The following CAMK4 variants were observed in gnomAD, a reference collection of about 807,000 sequenced individuals.
CAMK4 encodes calcium/calmodulin-dependent protein kinase type IV.
A neutral mutation model predicts 44.9 loss-of-function variants in CAMK4; 22 were observed. The observed-to-expected ratio is 0.49, with a 90% CI of 0.35 to 0.70. CAMK4 has a LOEUF of 0.70. Ranked by LOEUF, CAMK4 falls within the 30% of genes least tolerant of loss-of-function variation. The probability of loss-of-function intolerance (pLI) is 0.01; values close to 1 mark genes in which losing one functional copy is unlikely to be tolerated. For synonymous variants in CAMK4, 218 were observed against 215.4 expected, an observed-to-expected ratio of 1.01 and a Z score of -0.11; for missense variants, 498 against 586.8, an observed-to-expected ratio of 0.85 and a Z score of 1.56.
At chr5:111,279,939 A>T (rs552417399) in intron 1 of CAMK4, among the ~76,000 whole-genome samples, 8 of 152,308 alleles carry the variant, frequency 5.3e-5, no homozygotes, top group Admixed American at 4.6e-4. Context: ...ATGAGCTTTC[A>T]TTGGGCGAAT....
intron 1 of CAMK4, among the ~76,000 whole-genome samples, chr5:111,272,842 A>G (rs1441628631): frequency 1.3e-5 from 2 of 152,180 alleles, no homozygotes; most frequent in Non-Finnish European, 2.9e-5. Flanking sequence ...TAGCAATAAG[A>G]AAATGAATTT....
chr5:111,427,547 G>C lies in CAMK4; in HGVS notation c.460-19139G>C, dbSNP rs76478715. On this transcript the variant is annotated intron_variant, in intron 5 of 10. Coordinates refer to ENST00000282356, the MANE Select transcript of CAMK4 (RefSeq NM_001744.6). ...GCCATGAAGGGTGAGCACCAGGACA[G>C]GTAACATTCACGACAAGCTGACATA... 6.4e-3 allele frequency among the ~76,000 whole-genome samples: 980 copies of C among 152,320 alleles called. 9 individuals carry two copies. The highest frequency in any genetic ancestry group is 0.022 in the African/African-American group (910 of 41,568).
intron 5 of CAMK4, among the ~76,000 whole-genome samples, chr5:111,403,619 T>G (rs1752310035): frequency 6.6e-6 from 1 of 152,148 alleles, no homozygotes; most frequent in South Asian, 2.1e-4. Flanking sequence ...TTATAATATT[T>G]TGATTTATAG....
intron 5 of CAMK4, among the ~76,000 whole-genome samples, chr5:111,419,661 T>C (rs4623196): frequency 0.048 from 7,277 of 152,286 alleles, 199 homozygotes; most frequent in African/African-American, 0.069. Flanking sequence ...TTTCTACATA[T>C]GGCTAGCCAG....
intron 1 of CAMK4, chr5:111,265,745 A>T (rs1008155848): frequency 5.3e-5 from 8 of 152,244 alleles, no homozygotes; most frequent in African/African-American, 1.7e-4. Context: ...AGGCAGAATG[A>T]GTAATAGAGG....
intron 1 of CAMK4, among the ~76,000 whole-genome samples, chr5:111,257,455 C>T (rs956944059): frequency 1.3e-5 from 2 of 152,216 alleles, no homozygotes; most frequent in African/African-American, 4.8e-5. Flanking sequence ...GATATCATCT[C>T]ACACCAGTCA....
chr5:111,393,104 T>C (rs1490108058), intron 4 of CAMK4, among the ~76,000 whole-genome samples: 1 of 152,228 alleles, frequency 6.6e-6, no homozygotes, highest in Non-Finnish European at 1.5e-5. Flanking sequence ...ATAAGAATTG[T>C]ATTACTAGAA....
At chr5:111,368,707 A>G (rs1047058364) in intron 2 of CAMK4, among the ~76,000 whole-genome samples, 5 of 151,990 alleles carry the variant, frequency 3.3e-5, no homozygotes, top group African/African-American at 1.2e-4. Context: ...CTTGGTCATC[A>G]TTACTTAGAC....
chr5:111,266,588 A>T (rs1351268730), intron 1 of CAMK4, among the ~76,000 whole-genome samples: 1 of 152,116 alleles, frequency 6.6e-6, no homozygotes, highest in Non-Finnish European at 1.5e-5. Context: ...ATAGTTGGCC[A>T]TTTTTCTCTG....
intron 2 of CAMK4, among the ~76,000 whole-genome samples, chr5:111,368,834 C>T (rs1750894638): frequency 6.6e-6 from 1 of 151,952 alleles, no homozygotes; most frequent in African/African-American, 2.4e-5. Context: ...TCTCAGCCTC[C>T]ACCAAACTAT....
At chr5:111,425,433 C>T (rs2112926996) in intron 5 of CAMK4, among the ~76,000 whole-genome samples, 1 of 152,292 alleles carries the variant, frequency 6.6e-6, no homozygotes, top group East Asian at 1.9e-4. Context: ...GCTTCCTGTG[C>T]TTTCAAAATG....
intron 1 of CAMK4, among the ~76,000 whole-genome samples, chr5:111,256,654 T>G (rs1028031834): frequency 3.3e-5 from 5 of 152,272 alleles, no homozygotes; most frequent in Middle Eastern, 3.4e-3. Flanking sequence ...AATGCAGTAA[T>G]TGACTCTCAG....
At chr5:111,385,768 G>A (rs1164903512) in intron 4 of CAMK4, among the ~76,000 whole-genome samples, 1 of 152,028 alleles carries the variant, frequency 6.6e-6, no homozygotes, top group Admixed American at 6.6e-5. Context: ...GTAGAGATGG[G>A]GTTTCACTGT....
intron 2 of CAMK4, among the ~76,000 whole-genome samples, chr5:111,347,614 A>G (rs1580629433): frequency 1.3e-5 from 2 of 152,006 alleles, no homozygotes; most frequent in East Asian, 2.0e-4. Flanking sequence ...ACAATGTCAC[A>G]TGGCCATCTT....
Position 111,224,448 on chromosome 5 carries a change from G to A in CAMK4, c.-36G>A, listed in dbSNP as rs1331028946. 3.9e-6 allele frequency: 6 copies of A among 1,550,030 alleles called. No homozygotes were observed. Among genetic ancestry groups the A allele is most frequent in the Admixed American group, 1.9e-5 (1 of 52,020 alleles). ...GGCTTCTCGCTCGGGCAGCGGCGGC[G>A]GCGGCGGCGGCGGCTTCCGGAGTCC... On this transcript the variant is annotated 5_prime_UTR_variant, in exon 1 of 11. Coordinates refer to ENST00000282356, the MANE Select transcript of CAMK4 (RefSeq NM_001744.6). The surrounding 1 kb of genome is among the most constrained non-coding windows in gnomAD (Gnocchi z 5.7).
At position 111,224,563 on chromosome 5, in the gene CAMK4, G is replaced by C. The variant is rs1742730699; in HGVS notation, c.80G>C (p.Ser27Thr). The C allele has an allele frequency of 1.2e-6, 2 of 1,612,480 alleles. No homozygotes were observed. Among genetic ancestry groups the C allele is most frequent in the Non-Finnish European group, 1.7e-6 (2 of 1,179,686 alleles). ...VTASAAPGTA[S>T]LVPDYWIDGS... is the part of the protein sequence containing the mutation. ...GCCAGTGCGGCCCCGGGGACCGCGA[G>C]CCTCGTCCCGGATTACTGGATCGAC... Residue 27 changes from serine (S) to threonine (T), a missense_variant, in exon 1 of 11, where the codon AGC (serine) becomes ACC (threonine). By Grantham distance (58) the Ser-to-Thr change is moderately conservative (BLOSUM62 1). Coordinates refer to ENST00000282356, the MANE Select transcript of CAMK4 (RefSeq NM_001744.6). This position sits in a 1 kb window ranked among gnomAD's most constrained non-coding sequence, Gnocchi z 5.7.
chr5:111,428,612 C>CT (rs1168459264), intron 5 of CAMK4, among the ~76,000 whole-genome samples: 8 of 152,052 alleles, frequency 5.3e-5, no homozygotes, highest in Non-Finnish European at 1.2e-4. Flanking sequence ...CATCAGAATC[C>CT]TTTAATAGCA....
chr5:111,472,326 A>T (rs1158973322), intron 7 of CAMK4, among the ~76,000 whole-genome samples: 3 of 152,128 alleles, frequency 2.0e-5, no homozygotes. Flanking sequence ...GGCCTTCCTC[A>T]AGCAGCCATC....
chr5:111,481,557 C>T (rs552975716), intron 9 of CAMK4, among the ~76,000 whole-genome samples: 4 of 152,302 alleles, frequency 2.6e-5, no homozygotes, highest in East Asian at 1.9e-4. Flanking sequence ...CCTATGTTCA[C>T]GTCTCCTTAG....
Sources: allele counts gnomAD v4.1 joint callset (sites outside exome capture counted in the v4.1 genomes callset), GRCh38; gene constraint gnomAD v4.1.1; non-coding constraint Gnocchi (gnomAD v3.1); transcripts MANE v1.5; gene names NCBI Gene and HGNC (gene_info 2026-07-23, HGNC 2026-07-21).